CYP4Z1: variants seen among roughly 807,000 people sequenced by gnomAD.
CYP4Z1 encodes the protein cytochrome P450 family 4 subfamily Z member 1.
In CYP4Z1, 41 loss-of-function variants were observed where a neutral mutation model predicts 54.2. The observed-to-expected ratio is 0.76, with a 90% CI of 0.59 to 0.98. CYP4Z1 has a LOEUF of 0.98. Ranked by LOEUF, CYP4Z1 falls within the 50% of genes least tolerant of loss-of-function variation. CYP4Z1 has a pLI of 0.00. For missense variants in CYP4Z1, 513 were observed against 599.0 expected (o/e 0.86, Z 1.50); for synonymous variants, 163 against 206.2 (o/e 0.79, Z 1.79).
At chr1:47,098,916 T>C (rs1379958492) in intron 7 of CYP4Z1, among the ~76,000 whole-genome samples, 178 bp from the exon 8 acceptor site, 1 of 152,226 alleles carries the variant, frequency 6.6e-6, no homozygotes, top group Admixed American at 6.5e-5. Context: ...CATTTCTTTC[T>C]ACATTGCCTG....
At chr1:47,111,223 G>A (rs1292375862) in intron 9 of CYP4Z1, among the ~76,000 whole-genome samples, 1 of 150,110 alleles carries the variant, frequency 6.7e-6, no homozygotes, top group African/African-American at 2.5e-5. Context: ...TTGCTCTGTT[G>A]CCCAGGCTGG....
intron 9 of CYP4Z1, among the ~76,000 whole-genome samples, chr1:47,111,574 C>T (rs771050067): frequency 5.9e-5 from 9 of 152,130 alleles, no homozygotes; most frequent in South Asian, 2.1e-4. Flanking sequence ...CAAAGACCTA[C>T]GCAAACCAAA....
intron 6 of CYP4Z1, among the ~76,000 whole-genome samples, chr1:47,086,842 C>A (rs1340967309): frequency 6.6e-6 from 1 of 152,188 alleles, no homozygotes; most frequent in African/African-American, 2.4e-5. Context: ...ACATTTAAAT[C>A]TTTAATCCAT....
At chr1:47,062,942 T>C (rs1644431653), upstream of CYP4Z1, among the ~76,000 whole-genome samples, 1 of 151,990 alleles carries the variant, frequency 6.6e-6, no homozygotes, top group Non-Finnish European at 1.5e-5. Context: ...ACAAAACCAG[T>C]GCACTAACAA....
chr1:47,087,595 C>T (rs909636792), intron 6 of CYP4Z1, among the ~76,000 whole-genome samples: 1 of 152,150 alleles, frequency 6.6e-6, no homozygotes, highest in South Asian at 2.1e-4. Flanking sequence ...AGATTTTGGG[C>T]TGACACAATG....
chr1:47,090,827 AAAG>A (rs1311331273), intron 6 of CYP4Z1, among the ~76,000 whole-genome samples: 2 of 144,286 alleles, frequency 1.4e-5, no homozygotes, highest in Non-Finnish European at 3.0e-5. Flanking sequence ...GAGGGGGTTG[AAAG>A]AAGAACAGTG....
chr1:47,114,063 A>G (rs1557636182), intron 9 of CYP4Z1, among the ~76,000 whole-genome samples: 1 of 151,768 alleles, frequency 6.6e-6, no homozygotes, highest in East Asian at 1.9e-4. Flanking sequence ...AGGCTACAGT[A>G]ACCAAAACAG....
At chr1:47,058,936 T>G in the CYP4Z1 span, among the ~76,000 whole-genome samples, 1 of 152,178 alleles carries the variant, frequency 6.6e-6, no homozygotes, top group Non-Finnish European at 1.5e-5. Flanking sequence ...CACTGTGGTG[T>G]TCTAATTTTT....
chr1:47,057,335 A>AAAAAAAAAAAAAATAT, the CYP4Z1 span, among the ~76,000 whole-genome samples: 98 of 28,330 alleles, frequency 3.5e-3, 1 homozygote, highest in Non-Finnish European at 5.9e-3. Context: ...AAGAAAAAAA[A>AAAAAAAAAAAAAATAT]ATATATATAT....
the CYP4Z1 span, among the ~76,000 whole-genome samples, chr1:47,058,782 A>C: frequency 6.6e-6 from 1 of 152,066 alleles, no homozygotes; most frequent in Non-Finnish European, 1.5e-5. Context: ...ACTCAGACCT[A>C]TGTAGAGTCC....
intron 8 of CYP4Z1, among the ~76,000 whole-genome samples, chr1:47,099,953 A>T (rs4448558): frequency 0.41 from 62,497 of 151,150 alleles, 14,228 homozygotes; most frequent in East Asian, 0.97. Flanking sequence ...GCACTGCTAA[A>T]AACCTCGTGC....
intron 9 of CYP4Z1, among the ~76,000 whole-genome samples, chr1:47,109,739 T>G (rs1196540722): frequency 6.6e-6 from 1 of 152,140 alleles, no homozygotes; most frequent in Non-Finnish European, 1.5e-5. Context: ...GAAGACAGAT[T>G]TAGAGAGAGG....
chr1:47,067,709 G>A (rs768591658), intron 1 of CYP4Z1, 42 bp downstream of exon 1: 1 of 1,514,998 alleles, frequency 6.6e-7, no homozygotes, highest in South Asian at 1.3e-5. Context: ...GGGACAGAAA[G>A]ATGAGGTATT....
At chr1:47,093,793 G>C (rs1482605168) in intron 6 of CYP4Z1, among the ~76,000 whole-genome samples, 1 of 152,148 alleles carries the variant, frequency 6.6e-6, no homozygotes, top group Non-Finnish European at 1.5e-5. Context: ...GTTTCCAGTA[G>C]AAAAGGCACA....
chr1:47,073,042 T>C (rs1644493739), intron 2 of CYP4Z1, among the ~76,000 whole-genome samples: 1 of 142,106 alleles, frequency 7.0e-6, no homozygotes, highest in Non-Finnish European at 1.5e-5. Context: ...AGTTCCAGAA[T>C]TTTTCATCAG....
At chr1:47,097,991 T>C (rs1467051652) in intron 7 of CYP4Z1, among the ~76,000 whole-genome samples, 9 of 151,920 alleles carry the variant, frequency 5.9e-5, no homozygotes, top group Admixed American at 1.3e-4. Flanking sequence ...AATTTTTGTA[T>C]TTTCAGTGGA....
chr1:47,097,820 AT>A (rs35258883), intron 7 of CYP4Z1, among the ~76,000 whole-genome samples: 415 of 128,344 alleles, frequency 3.2e-3, no homozygotes, highest in South Asian at 4.3e-3. Flanking sequence ...GTTCCATATG[AT>A]TTTTTTTTTT....
intron 6 of CYP4Z1, among the ~76,000 whole-genome samples, chr1:47,091,637 T>C (rs1182672081): frequency 2.0e-5 from 3 of 149,680 alleles, no homozygotes; most frequent in Non-Finnish European, 4.5e-5. Context: ...TATCCTGCCT[T>C]ATGTACTTCT....
chr1:47,067,686 T>G lies in CYP4Z1; in HGVS notation c.177+19T>G, dbSNP rs1197490555. On this transcript the variant is annotated intron_variant, in intron 1 of 11. Transcript: ENST00000334194. ...CAAGGAGGTAAGAGGAGAAAATTAG[T>G]TGGGGAGGTTAAGGGACAGAAAGAT... is the stretch of plus-strand genomic sequence containing the variant. The G allele has an allele frequency of 6.3e-7, 1 of 1,582,584 alleles. No individual in the cohort carries two copies.
Sources: allele counts gnomAD v4.1 joint callset (sites outside exome capture counted in the v4.1 genomes callset), GRCh38; gene constraint gnomAD v4.1.1; transcripts MANE v1.5; gene names NCBI Gene and HGNC (gene_info 2026-07-23, HGNC 2026-07-21).